The following NAV3 variants were observed in gnomAD, a reference collection of about 807,000 sequenced individuals.
The protein encoded by NAV3 is neuron navigator 3.
NAV3 carries 87 observed loss-of-function variants against 244.7 expected under a neutral mutation model. The observed-to-expected ratio is 0.36, with a 90% CI of 0.30 to 0.42. The LOEUF is 0.42. NAV3 is among the 20% of genes least tolerant of loss of function. The pLI, the probability that NAV3 is intolerant of heterozygous loss-of-function variation, is 1.00. For missense variants in NAV3, 2,663 were observed against 2,893.3 expected, an observed-to-expected ratio of 0.92 and a Z score of 1.83; for synonymous variants, 1,126 against 1,042.2, an observed-to-expected ratio of 1.08 and a Z score of -1.55.
At chr12:77,838,644 C>T (rs552259210) in intron 1 of NAV3, among the ~76,000 whole-genome samples, 1 of 151,878 alleles carries the variant, frequency 6.6e-6, no homozygotes, top group Non-Finnish European at 1.5e-5. Context: ...AAACATAAAG[C>T]CAATAGATAT....
At chr12:77,703,278 T>C (rs1208259793) in intron 2 of NAV3, among the ~76,000 whole-genome samples, 2 of 152,128 alleles carry the variant, frequency 1.3e-5, no homozygotes, top group Non-Finnish European at 2.9e-5. Flanking sequence ...TGGGATCATA[T>C]AGTACATGAT....
chr12:77,686,447 TA>T (rs748735585), intron 2 of NAV3, among the ~76,000 whole-genome samples: 3,379 of 103,460 alleles, frequency 0.033, 56 homozygotes, highest in Non-Finnish European at 0.053. Context: ...TTTTTTTTTT[TA>T]AAAACAGAGG....
intron 1 of NAV3, among the ~76,000 whole-genome samples, chr12:77,921,183 C>T (rs1370095990): frequency 1.3e-5 from 2 of 151,908 alleles, no homozygotes; most frequent in Non-Finnish European, 2.9e-5. Context: ...GTCTTTTGGT[C>T]ATCATAAATC....
chr12:78,046,554 T>C (rs1418846904), intron 9 of NAV3, among the ~76,000 whole-genome samples: 1 of 152,242 alleles, frequency 6.6e-6, no homozygotes, highest in Non-Finnish European at 1.5e-5. Flanking sequence ...AGTCAGTTTC[T>C]TAACCCTAAG....
chr12:77,588,935 G>A (rs1964607), intron 2 of NAV3, among the ~76,000 whole-genome samples: 20,475 of 152,182 alleles, frequency 0.13, 1,835 homozygotes, highest in Admixed American at 0.22. Context: ...GAAGGCAGTG[G>A]TCTGAATGTT....
intron 13 of NAV3, among the ~76,000 whole-genome samples, chr12:78,117,258 A>C (rs562614814): frequency 5.9e-5 from 1 of 16,900 alleles, no homozygotes; most frequent in East Asian, 1.0e-3. Flanking sequence ...TGGTATAGTT[A>C]TCTATACAAA....
chr12:77,966,790 A>G (rs967729578), intron 4 of NAV3, among the ~76,000 whole-genome samples: 11 of 152,104 alleles, frequency 7.2e-5, no homozygotes, highest in African/African-American at 2.7e-4. Flanking sequence ...AGCGTTAATC[A>G]CTGTTATATA....
chr12:78,122,552 A>T, intron 16 of NAV3, 124 bp downstream of exon 16: 1 of 1,202,462 alleles, frequency 8.3e-7, no homozygotes, highest in East Asian at 2.5e-5. Context: ...TGTAAGACTG[A>T]TGAAACCGGG....
rs78365018 is a variant in NAV3 at position 77,864,527 on chromosome 12, C to A, written c.243+32823C>A. ...TTTATGGAGCTTTGATGCAAGGAGG[C>A]ATAGTTTCTGAGATGACTGAGAAGC... On this transcript the variant is annotated intron_variant, in intron 1 of 39. Transcript: ENST00000397909. Among the ~76,000 whole-genome samples the A allele has an allele frequency of 2.0e-4, 31 of 152,018 alleles. No individual in the cohort carries two copies. The East Asian group carries it at 5.8e-3, about 28-fold the overall frequency.
chr12:77,820,490 G>C (rs79971390), intron 2 of NAV3, among the ~76,000 whole-genome samples: 10 of 152,078 alleles, frequency 6.6e-5, no homozygotes, highest in Admixed American at 1.3e-4. Context: ...GAGCCCTCAC[G>C]ATTCAATCAC....
chr12:78,206,011 C>G (rs1301720601), intron 39 of NAV3, among the ~76,000 whole-genome samples: 3 of 151,986 alleles, frequency 2.0e-5, no homozygotes, highest in African/African-American at 7.2e-5. Flanking sequence ...CACCAACAAC[C>G]CTGACACACA....
At chr12:77,679,608 T>C (rs910476962) in intron 2 of NAV3, among the ~76,000 whole-genome samples, 1 of 152,056 alleles carries the variant, frequency 6.6e-6, no homozygotes, top group Non-Finnish European at 1.5e-5. Flanking sequence ...TGAAAGGGCC[T>C]ACTCAGCAAG....
chr12:77,847,576 A>C lies in NAV3; in HGVS notation c.243+15872A>C, dbSNP rs1475079004. On this transcript the variant is annotated intron_variant, in intron 1 of 39. Coordinates refer to ENST00000397909, the MANE Select transcript of NAV3 (RefSeq NM_001024383.2). ...AGGAAGAATAAATGGAGAGTGCCCC[A>C]GGTGCTGACTTTATCTACAATTAAT... Among the ~76,000 whole-genome samples the C allele has an allele frequency of 1.4e-4, 22 of 152,230 alleles. 1 individual carries two copies. The highest frequency in any genetic ancestry group is 1.4e-3 in the Admixed American group (21 of 15,274).
At chr12:77,753,842 T>A (rs946204218) in intron 2 of NAV3, among the ~76,000 whole-genome samples, 1 of 152,172 alleles carries the variant, frequency 6.6e-6, no homozygotes, top group African/African-American at 2.4e-5. Flanking sequence ...GAGGAAAGGA[T>A]AAGTTGAAAT....
At chr12:78,047,174 G>C (rs1221008862) in intron 9 of NAV3, among the ~76,000 whole-genome samples, 1 of 152,012 alleles carries the variant, frequency 6.6e-6, no homozygotes, top group Non-Finnish European at 1.5e-5. Context: ...ATGAAATTCT[G>C]GGTTGAAAAT....
chr12:77,894,390 A>T (rs1040672123), intron 1 of NAV3, among the ~76,000 whole-genome samples: 5 of 152,142 alleles, frequency 3.3e-5, no homozygotes, highest in Non-Finnish European at 5.9e-5. Flanking sequence ...TAAACATTTT[A>T]ATAATTTAGA....
At chr12:77,956,044 A>C (rs1891329043) in intron 3 of NAV3, among the ~76,000 whole-genome samples, 1 of 151,924 alleles carries the variant, frequency 6.6e-6, no homozygotes, top group African/African-American at 2.4e-5. Context: ...ATAATTGTTA[A>C]ATGAATGAAG....
At chr12:77,585,540 G>A (rs1325720477) in intron 2 of NAV3, among the ~76,000 whole-genome samples, 2 of 152,130 alleles carry the variant, frequency 1.3e-5, no homozygotes, top group African/African-American at 2.4e-5. Context: ...GAAGGGTATC[G>A]ATGGTTTAGG....
At chr12:77,812,764 G>A (rs1043429627) in intron 2 of NAV3, among the ~76,000 whole-genome samples, 1 of 152,058 alleles carries the variant, frequency 6.6e-6, no homozygotes, top group African/African-American at 2.4e-5. Flanking sequence ...AGTCACACTT[G>A]ATCATTGAGC....
Sources: allele counts gnomAD v4.1 joint callset (sites outside exome capture counted in the v4.1 genomes callset), GRCh38; gene constraint gnomAD v4.1.1; transcripts MANE v1.5; gene names NCBI Gene and HGNC (gene_info 2026-07-23, HGNC 2026-07-21).